Variants in MOSMO observed in about 807,000 individuals in gnomAD.
The protein encoded by MOSMO is modulator of smoothened.
Under a neutral mutation model 18.4 loss-of-function variants are expected in MOSMO, and 5 were observed. The ratio of observed to expected loss-of-function variants is 0.27; its 90% confidence interval spans 0.14 to 0.57. The LOEUF (loss-of-function observed/expected upper bound fraction) is 0.57. Ranked by LOEUF, MOSMO falls within the 20% of genes least tolerant of loss-of-function variation. The pLI, the probability that MOSMO is intolerant of heterozygous loss-of-function variation, is 0.92. For missense variants in MOSMO, 138 were observed against 211.8 expected (o/e 0.65, Z 2.16); for synonymous variants, 82 against 82.3 (o/e 1.00, Z 0.02).
downstream of MOSMO, among the ~76,000 whole-genome samples, chr16:22,092,048 G>A (rs1901346146): frequency 6.6e-6 from 1 of 152,218 alleles, no homozygotes; most frequent in Admixed American, 6.5e-5. Context: ...AACCACTGTG[G>A]CAGATGATCT....
rs1261457712 is a variant in MOSMO, at chr16:22,083,079, G to T, written c.*2199G>T. The stretch of plus-strand genomic sequence containing the variant: ...ACCACTGAGATAAAGTGTTAGCAAA[G>T]TATGGTTCAAATTAACTTATGACAT... On this transcript the variant is annotated 3_prime_UTR_variant, in exon 3 of 3. Transcript: ENST00000542527. The T allele has an allele frequency of 6.6e-6, 1 of 152,224 alleles. No homozygotes were observed. The highest frequency in any genetic ancestry group is 1.5e-5 in the Non-Finnish European group (1 of 68,046). The allele number at this position is 152,224 out of a possible 1,614,324, so 9.4% of individuals were successfully genotyped here.
intron 1 of MOSMO, among the ~76,000 whole-genome samples, chr16:22,072,628 G>A (rs1269729541): frequency 6.6e-6 from 1 of 152,022 alleles, no homozygotes; most frequent in Non-Finnish European, 1.5e-5. Context: ...TGGCTAACAC[G>A]GTGAAACCCC....
chr16:22,090,884 T>C (rs958001852), downstream of MOSMO, among the ~76,000 whole-genome samples: 2 of 152,188 alleles, frequency 1.3e-5, no homozygotes, highest in African/African-American at 4.8e-5. Flanking sequence ...CTATTGAGAA[T>C]GTGTGTTGTG....
At chr16:22,057,693 C>G (rs1446370992) in intron 1 of MOSMO, among the ~76,000 whole-genome samples, 1 of 151,604 alleles carries the variant, frequency 6.6e-6, no homozygotes, top group African/African-American at 2.4e-5. Flanking sequence ...AGTTAACAGA[C>G]AACAAAAAAA....
chr16:22,053,428 G>A (rs1253034071), intron 1 of MOSMO, among the ~76,000 whole-genome samples: 1 of 152,036 alleles, frequency 6.6e-6, no homozygotes, highest in East Asian at 1.9e-4. Context: ...GACTGCATGG[G>A]TCATTTAAAA....
chr16:22,057,988 A>C (rs915188003), intron 1 of MOSMO, among the ~76,000 whole-genome samples: 1 of 152,140 alleles, frequency 6.6e-6, no homozygotes, highest in African/African-American at 2.4e-5. Context: ...GGGGAGTGAG[A>C]TTAGATCTGT....
At position 22,008,414 on chromosome 16, in the gene MOSMO, C is replaced by G. The variant is rs750498838; in HGVS notation, c.106+7C>G. 6 of 1,271,408 alleles carry G rather than the reference C, an allele frequency of 4.7e-6. No homozygotes were observed. Among genetic ancestry groups the G allele is most frequent in the Non-Finnish European group, 5.1e-6 (5 of 988,380 alleles). The allele number at this position is 1,271,408 out of a possible 1,614,324, so 78.8% of individuals were successfully genotyped here. ...AACACCGGGGAGTCTGCGGGTGAGC[C>G]GCTGGCGCGCCGGGCCGGGCGGGGG... On this transcript the variant is annotated splice_region_variant and intron_variant, in intron 1 of 2. Coordinates refer to ENST00000542527, the MANE Select transcript of MOSMO (RefSeq NM_001164579.2).
chr16:22,039,661 G>T (rs1181278718), intron 1 of MOSMO, among the ~76,000 whole-genome samples: 2 of 152,106 alleles, frequency 1.3e-5, no homozygotes, highest in African/African-American at 4.8e-5. Flanking sequence ...ATGAGTCCTT[G>T]TCTCTTACAA....
chr16:22,057,107 TAG>T (rs547993949), intron 1 of MOSMO, among the ~76,000 whole-genome samples: 6 of 151,522 alleles, frequency 4.0e-5, no homozygotes, highest in African/African-American at 9.7e-5. Flanking sequence ...CTTAGTATTT[TAG>T]AGAGAGAGAG....
intron 1 of MOSMO, among the ~76,000 whole-genome samples, chr16:22,056,361 C>CTTTTTTT: frequency 8.6e-6 from 1 of 116,386 alleles, no homozygotes; most frequent in Non-Finnish European, 1.7e-5. Context: ...TCCTTTCTTT[C>CTTTTTTT]TTTCTTTTTT....
At chr16:22,034,184 T>C (rs1394769229) in intron 1 of MOSMO, among the ~76,000 whole-genome samples, 1 of 152,264 alleles carries the variant, frequency 6.6e-6, no homozygotes, top group Non-Finnish European at 1.5e-5. Flanking sequence ...TCATTTTACT[T>C]ATCCATAAGC....
rs184432129 is a variant in MOSMO, at chr16:22,075,588, T to C, written c.208T>C (p.Phe70Leu). The C allele has an allele frequency of 2.6e-6, 4 of 1,537,286 alleles. No individual in the cohort carries two copies. The highest frequency in any genetic ancestry group is 4.9e-5 in the East Asian group (2 of 40,922). ...TCCCCCGGAGTGGGTCACCACACTG[T>C]TTTTTATCATCATGGGAATCATTTC... ...RLPPEWVTTL[F>L]FIIMGIISLT... The change falls in exon 2 of 3, where the codon TTT (phenylalanine) becomes CTT (leucine). Residue 70 changes from phenylalanine to leucine, a missense_variant. Transcript: ENST00000542527.
chr16:22,075,261 T>G (rs546006347), intron 1 of MOSMO: 1 of 643,452 alleles, frequency 1.6e-6, no homozygotes, highest in Admixed American at 2.1e-5. Flanking sequence ...CTGCCTGTTA[T>G]GACTTTTCTG....
At chr16:22,071,209 C>G (rs1469181722) in intron 1 of MOSMO, among the ~76,000 whole-genome samples, 2 of 152,114 alleles carry the variant, frequency 1.3e-5, no homozygotes, top group Non-Finnish European at 2.9e-5. Flanking sequence ...AATCATAGTA[C>G]CTAGAGCTGA....
At chr16:22,021,379 T>G (rs1899758694) in intron 1 of MOSMO, among the ~76,000 whole-genome samples, 1 of 152,212 alleles carries the variant, frequency 6.6e-6, no homozygotes, top group Non-Finnish European at 1.5e-5. Context: ...AATTTTGTTA[T>G]TCTGTATTTT....
intron 1 of MOSMO, among the ~76,000 whole-genome samples, chr16:22,062,272 GAA>G (rs1238769518): frequency 2.8e-5 from 4 of 140,782 alleles, no homozygotes; most frequent in African/African-American, 1.1e-4. Context: ...ATAAAAAAGA[GAA>G]AGATAGAATC....
chr16:22,075,223 G>A, intron 1 of MOSMO: 1 of 528,326 alleles, frequency 1.9e-6, no homozygotes, highest in Non-Finnish European at 3.6e-6. Context: ...ACTCAGAAAA[G>A]TATTTATTTA....
intron 1 of MOSMO, among the ~76,000 whole-genome samples, chr16:22,062,362 A>C (rs1232103959): frequency 2.6e-5 from 4 of 152,000 alleles, no homozygotes; most frequent in Non-Finnish European, 5.9e-5. Flanking sequence ...GGTCTCTGTC[A>C]CCCAGGATGG....
rs2141997490 is a variant in MOSMO at position 22,034,262 on chromosome 16, G to A, written c.106+25855G>A. Among the ~76,000 whole-genome samples, 2 of 152,298 alleles carry A rather than the reference G, an allele frequency of 1.3e-5. 1 individual carries two copies. Among genetic ancestry groups the A allele is most frequent in the South Asian group, 4.1e-4 (2 of 4,828 alleles). ...ACTGTTGTCTGTCAGTTAGGAATAA[G>A]AAAAAGATTTTATTTTGCCTTCATT... On this transcript the variant is annotated intron_variant, in intron 1 of 2. Transcript: ENST00000542527.
Sources: allele counts gnomAD v4.1 joint callset (sites outside exome capture counted in the v4.1 genomes callset), GRCh38; gene constraint gnomAD v4.1.1; transcripts MANE v1.5; gene names NCBI Gene and HGNC (gene_info 2026-07-23, HGNC 2026-07-21).